Variants in SPAG17 observed in about 807,000 individuals in gnomAD.
SPAG17 encodes sperm-associated antigen 17.
In SPAG17, 169 loss-of-function variants were observed where a neutral mutation model predicts 273.6. That is an observed-to-expected ratio of 0.62 (90% CI 0.55 to 0.70). The LOEUF (loss-of-function observed/expected upper bound fraction) is 0.70. SPAG17 is among the 30% of genes least tolerant of loss of function. SPAG17 has a pLI of 0.00. For missense variants in SPAG17, 2,557 were observed against 2,627.8 expected (o/e 0.97, Z 0.59); for synonymous variants, 825 against 873.2 (o/e 0.94, Z 0.97).
chr1:118,170,785 G>C (rs1212901951), intron 1 of SPAG17, among the ~76,000 whole-genome samples: 1 of 152,096 alleles, frequency 6.6e-6, no homozygotes, highest in Non-Finnish European at 1.5e-5. Context: ...GGAGCTCATT[G>C]CCTCCTTTAT....
intron 23 of SPAG17, among the ~76,000 whole-genome samples, chr1:118,038,644 A>G (rs1015348421): frequency 3.3e-5 from 5 of 152,214 alleles, no homozygotes; most frequent in South Asian, 2.1e-4. Flanking sequence ...ACTTAAATGC[A>G]TATTACTAAA....
At chr1:118,117,773 C>T (rs1657177938) in intron 3 of SPAG17, among the ~76,000 whole-genome samples, 3 of 152,234 alleles carry the variant, frequency 2.0e-5, no homozygotes. Context: ...GCCCCTGGCA[C>T]CACTAGGAAT....
intron 25 of SPAG17, 67 bp from the exon 26 acceptor site, chr1:118,028,461 TA>T: frequency 6.3e-7 from 1 of 1,580,414 alleles, no homozygotes; most frequent in Non-Finnish European, 8.6e-7. Context: ...TTATTTTGAC[TA>T]AGCCAGGATA....
rs750006255 is a variant in SPAG17 at position 118,099,773 on chromosome 1, T to C, written c.662A>G (p.His221Arg). The C allele has an allele frequency of 1.9e-5, 30 of 1,612,676 alleles. No homozygotes were observed. The highest frequency in any genetic ancestry group is 2.5e-5 in the Non-Finnish European group (30 of 1,179,884). The change falls in exon 6 of 49, where the codon CAT (histidine) becomes CGT (arginine). Residue 221 changes from histidine to arginine, a missense_variant. Coordinates refer to ENST00000336338, the MANE Select transcript of SPAG17 (RefSeq NM_206996.4). ...IDDEPDDGAQ[H>R]YIIVVGFNNP... ...GTTAAAGCCCACAACTATAATGTAA[T>C]GTTGGGCACCATCATCTGGCTCATC...
chr1:118,000,997 T>C (rs183756723), intron 32 of SPAG17, among the ~76,000 whole-genome samples: 34 of 152,336 alleles, frequency 2.2e-4, no homozygotes, highest in African/African-American at 6.7e-4. Flanking sequence ...ATACGTTCCA[T>C]TGATACCTAG....
At chr1:118,167,251 T>C (rs543236224) in intron 1 of SPAG17, among the ~76,000 whole-genome samples, 1 of 152,266 alleles carries the variant, frequency 6.6e-6, no homozygotes, top group African/African-American at 2.4e-5. Flanking sequence ...CCTAACAACA[T>C]AGAATTTGAA....
chr1:118,136,801 ATGTGTG>A lies in SPAG17; in HGVS notation c.315+13736_315+13741del, dbSNP rs5777337. ...AAAGGGGTAAAGTGTGTGTGTGTGT[ATGTGTG>A]TGTGTGTGTGTGTGTGTGTGTGTGT... On this transcript the variant is annotated intron_variant, in intron 3 of 48. Transcript: ENST00000336338. Among the ~76,000 whole-genome samples, 903 of 147,228 alleles carry A rather than the reference ATGTGTG, an allele frequency of 6.1e-3. 6 individuals are homozygous for A. Among genetic ancestry groups the A allele is most frequent in the East Asian group, 7.8e-3 (39 of 4,974 alleles).
At chr1:117,974,623 T>C (rs1039910045) in intron 43 of SPAG17, among the ~76,000 whole-genome samples, 1 of 152,168 alleles carries the variant, frequency 6.6e-6, no homozygotes, top group Non-Finnish European at 1.5e-5. Flanking sequence ...AGCCAGAAAA[T>C]TAGATCTTCA....
At chr1:117,995,843 T>C (rs777655953) in intron 34 of SPAG17, among the ~76,000 whole-genome samples, 29 of 152,070 alleles carry the variant, frequency 1.9e-4, no homozygotes, top group Non-Finnish European at 3.1e-4. Context: ...TAATGTTTTA[T>C]GTATCTCTAA....
chr1:118,003,222 T>C (rs1192502721), intron 32 of SPAG17, among the ~76,000 whole-genome samples: 1 of 152,198 alleles, frequency 6.6e-6, no homozygotes, highest in African/African-American at 2.4e-5. Flanking sequence ...CTTCCCTTTG[T>C]GGTAACTCGA....
chr1:118,118,785 A>G (rs1237494715), intron 3 of SPAG17, among the ~76,000 whole-genome samples: 1 of 152,190 alleles, frequency 6.6e-6, no homozygotes, highest in East Asian at 1.9e-4. Flanking sequence ...GTATTGTGTG[A>G]AGATATTTAA....
chr1:118,044,565 G>T (rs764097153), intron 20 of SPAG17, among the ~76,000 whole-genome samples: 1 of 152,190 alleles, frequency 6.6e-6, no homozygotes, highest in African/African-American at 2.4e-5. Flanking sequence ...CAATGTGTCA[G>T]CAAGGAAAAT....
At chr1:118,091,868 T>C in intron 9 of SPAG17, 62 bp downstream of exon 9, 1 of 1,532,218 alleles carries the variant, frequency 6.5e-7, no homozygotes. Context: ...TGGAGGGCAG[T>C]CATTATCTCT....
intron 28 of SPAG17, among the ~76,000 whole-genome samples, chr1:118,019,527 G>A (rs2765285): frequency 0.013 from 2,026 of 151,996 alleles, 49 homozygotes; most frequent in African/African-American, 0.046. Flanking sequence ...TCCAGAAGCA[G>A]AGAAGAAAAA....
chr1:118,047,419 C>G (rs1650484846), intron 20 of SPAG17, among the ~76,000 whole-genome samples: 1 of 152,166 alleles, frequency 6.6e-6, no homozygotes, highest in South Asian at 2.1e-4. Context: ...TGCCCCAATG[C>G]CAGGCCAGCC....
intron 3 of SPAG17, among the ~76,000 whole-genome samples, chr1:118,128,329 T>A (rs998766659): frequency 1.3e-5 from 2 of 152,202 alleles, no homozygotes; most frequent in Non-Finnish European, 2.9e-5. Context: ...ATGTATAAAA[T>A]CGTGTCGACT....
At chr1:118,026,716 G>T (rs772278851) in intron 26 of SPAG17, among the ~76,000 whole-genome samples, 1 of 152,130 alleles carries the variant, frequency 6.6e-6, no homozygotes. Flanking sequence ...CAGCCAGTAA[G>T]TAAGAGAAGG....
At chr1:118,041,708 G>T in intron 21 of SPAG17, 95 bp downstream of exon 21, 1 of 1,475,212 alleles carries the variant, frequency 6.8e-7, no homozygotes, top group Non-Finnish European at 9.1e-7. Flanking sequence ...CCTACTGTGG[G>T]GTAGTGAAAA....
chr1:118,167,929 G>C (rs1456196091), intron 1 of SPAG17, among the ~76,000 whole-genome samples: 3 of 152,096 alleles, frequency 2.0e-5, no homozygotes, highest in African/African-American at 7.2e-5. Flanking sequence ...TGTGTGGCAT[G>C]GCATCTCTCC....
Sources: gnomAD v4.1 joint callset for allele counts (sites outside exome capture counted in the v4.1 genomes callset) on GRCh38, gnomAD v4.1.1 for gene constraint, MANE v1.5 for transcripts, NCBI Gene and HGNC (gene_info 2026-07-23, HGNC 2026-07-21) for gene names.